SECTM1: variants seen among roughly 807,000 people sequenced by gnomAD.
SECTM1 encodes the protein secreted and transmembrane protein 1.
A neutral mutation model predicts 18.1 loss-of-function variants in SECTM1; 10 were observed. That is an observed-to-expected ratio of 0.55 (90% CI 0.34 to 0.94). SECTM1 has a LOEUF of 0.94. SECTM1 is among the 40% of genes least tolerant of loss of function. SECTM1 has a pLI of 0.02. For synonymous variants in SECTM1, 137 were observed against 139.2 expected, an observed-to-expected ratio of 0.98 and a Z score of 0.11; for missense variants, 297 against 322.6, an observed-to-expected ratio of 0.92 and a Z score of 0.61.
Position 82,321,937 on chromosome 17 carries a change from G to A in SECTM1, c.*224C>T. ...GCGTCCTGGTAAGTCGGGTGCTGCGGAGGTGAGGTGGTTCCATTTTGGAAA... is the reference window on the plus strand; with the variant it reads ...GCGTCCTGGTAAGTCGGGTGCTGCGAAGGTGAGGTGGTTCCATTTTGGAAA... On this transcript the variant is annotated 3_prime_UTR_variant, in exon 5 of 5. Transcript: ENST00000269389. 1 of 566,078 alleles carries A rather than the reference G, an allele frequency of 1.8e-6. No homozygotes were observed. Among genetic ancestry groups the A allele is most frequent in the Non-Finnish European group, 3.1e-6 (1 of 317,484 alleles). The allele number at this position is 566,078 out of a possible 1,614,324, so 35.1% of individuals were successfully genotyped here. A position where few individuals can be genotyped will look rare whatever the true frequency, so the allele number is the denominator to read the frequency against.
At chr17:82,324,547 TC>T in intron 3 of SECTM1, 34 bp downstream of exon 3, 1 of 273,704 alleles carries the variant, frequency 3.7e-6, no homozygotes. Context: ...CCCCTCTCAC[TC>T]CCCTCCCCCT....
At chr17:82,327,112 T>C in intron 2 of SECTM1, 35 bp downstream of exon 2, 1 of 1,545,578 alleles carries the variant, frequency 6.5e-7, no homozygotes, top group Non-Finnish European at 8.9e-7. Flanking sequence ...CGGGCCCCCC[T>C]TTCCCCAGCA....
At chr17:82,327,399 C>G (rs1331805090) in intron 1 of SECTM1, 107 bp from the exon 2 acceptor site, 7 of 638,460 alleles carry the variant, frequency 1.1e-5, no homozygotes, top group Non-Finnish European at 2.0e-5. Context: ...TCCCCGAGCT[C>G]TTCCCCGACC....
intron 1 of SECTM1, among the ~76,000 whole-genome samples, chr17:82,333,041 G>A (rs565153638): frequency 6.6e-6 from 1 of 151,750 alleles, no homozygotes; most frequent in Admixed American, 6.6e-5. Context: ...GCGTGAGAAC[G>A]GGCAGCTGAG....
chr17:82,323,199 C>G, intron 3 of SECTM1, 188 bp from the exon 4 acceptor site: 1 of 637,772 alleles, frequency 1.6e-6, no homozygotes, highest in Middle Eastern at 4.2e-4. Context: ...GGCGCAGGAC[C>G]AGAGGTGGAA....
At chr17:82,324,285 GTGT>G (rs1233785273) in intron 3 of SECTM1, among the ~76,000 whole-genome samples, 3 of 151,982 alleles carry the variant, frequency 2.0e-5, no homozygotes, top group Non-Finnish European at 4.4e-5. Context: ...TTTGTGTTCT[GTGT>G]TGTTTGTGGG....
chr17:82,330,963 G>T lies in SECTM1; in HGVS notation c.-53+2737C>A, dbSNP rs1025814801. Among the ~76,000 whole-genome samples, 1 of 152,174 alleles carries T rather than the reference G, an allele frequency of 6.6e-6. No homozygotes were observed. Among genetic ancestry groups the T allele is most frequent in the African/African-American group, 2.4e-5 (1 of 41,434 alleles). ...CTTTAGCCCAACTGTGGTGGCGGCCGCTGCTTCTCACACGCGGGTCCTCTC... is the reference window on the plus strand; with the variant it reads ...CTTTAGCCCAACTGTGGTGGCGGCCTCTGCTTCTCACACGCGGGTCCTCTC... On this transcript the variant is annotated intron_variant, in intron 1 of 4. Coordinates refer to ENST00000269389, the MANE Select transcript of SECTM1 (RefSeq NM_003004.3). The surrounding 1 kb of genome is among the most constrained non-coding windows in gnomAD (Gnocchi z 6.1).
intron 3 of SECTM1, among the ~76,000 whole-genome samples, chr17:82,324,103 G>C (rs536768775): frequency 6.0e-4 from 92 of 152,164 alleles, no homozygotes; most frequent in Non-Finnish European, 1.2e-3. Context: ...CAGGTGCCTC[G>C]AAGCCAGGTG....
At chr17:82,327,002 A>G (rs1051674634) in intron 2 of SECTM1, 145 bp downstream of exon 2, 12 of 615,516 alleles carry the variant, frequency 1.9e-5, no homozygotes, top group Non-Finnish European at 2.8e-5. Flanking sequence ...CCAGCTCCAC[A>G]TGGTCAGGCC....
Position 82,330,270 on chromosome 17 carries a change from C to G in SECTM1, c.-52-2978G>C, listed in dbSNP as rs1265519793. On this transcript the variant is annotated intron_variant, in intron 1 of 4. Transcript: ENST00000269389. The surrounding 1 kb of genome is among the most constrained non-coding windows in gnomAD (Gnocchi z 6.1). ...GGGAGGGGATGCCCTGCTGCTCTCCCCAGGCTGCTCTGGGGAGTCCTGCCC... is the reference window on the plus strand; with the variant it reads ...GGGAGGGGATGCCCTGCTGCTCTCCGCAGGCTGCTCTGGGGAGTCCTGCCC... 6.6e-6 allele frequency among the ~76,000 whole-genome samples: 1 copy of G among 152,198 alleles called. No individual in the cohort carries two copies. Among genetic ancestry groups the G allele is most frequent in the African/African-American group, 2.4e-5 (1 of 41,442 alleles).
Position 82,329,488 on chromosome 17 carries a change from C to T in SECTM1, c.-52-2196G>A, listed in dbSNP as rs190065909. On this transcript the variant is annotated intron_variant, in intron 1 of 4. Coordinates refer to ENST00000269389, the MANE Select transcript of SECTM1 (RefSeq NM_003004.3). The surrounding 1 kb of genome is among the most constrained non-coding windows in gnomAD (Gnocchi z 7.6). ...CCTTCTGTTGGAAACCCCACCCCAC[C>T]CTGTCAGGGCTGAGTGCAAGGGGAG... The T allele has an allele frequency of 4.5e-3, 685 of 152,570 alleles. 2 individuals are homozygous for T. The highest frequency in any genetic ancestry group is 7.6e-3 in the Non-Finnish European group (522 of 68,238). 9.5% of individuals were successfully genotyped at this position (152,570 alleles called of 1,614,324 possible).
chr17:82,321,546 G>C lies in SECTM1; in HGVS notation c.*615C>G, dbSNP rs750904339. On this transcript the variant is annotated 3_prime_UTR_variant, in exon 5 of 5. Coordinates refer to ENST00000269389, the MANE Select transcript of SECTM1 (RefSeq NM_003004.3). ...ACTGAGGGATGCGCGTCCAGCCCCG[G>C]AGGGCGGCGTCCACCTGACCCCCCA... is the stretch of plus-strand genomic sequence containing the variant. 2.0e-5 allele frequency: 3 copies of C among 153,276 alleles called. No individual in the cohort carries two copies. The highest frequency in any genetic ancestry group is 7.2e-5 in the African/African-American group (3 of 41,440). The allele number at this position is 153,276 out of a possible 1,614,324, so 9.5% of individuals were successfully genotyped here.
At chr17:82,332,510 G>A (rs954968965) in intron 1 of SECTM1, among the ~76,000 whole-genome samples, 4 of 152,178 alleles carry the variant, frequency 2.6e-5, no homozygotes, top group Admixed American at 2.6e-4. Flanking sequence ...CACCTGAGGG[G>A]TGGCTGACAC....
chr17:82,323,818 C>T (rs564647119), intron 3 of SECTM1, among the ~76,000 whole-genome samples: 16 of 131,398 alleles, frequency 1.2e-4, no homozygotes, highest in African/African-American at 2.6e-4. Context: ...ATGCCTGTGT[C>T]GGGGGAGCTG....
chr17:82,333,680 C>T lies in SECTM1; in HGVS notation c.-53+20G>A, dbSNP rs553330274. ...AGCCCGCCCCTCTGGTTCCCCCGCC[C>T]GCCCCTCTCCGCGCCTCACCGGGTC... On this transcript the variant is annotated intron_variant, in intron 1 of 4. Coordinates refer to ENST00000269389, the MANE Select transcript of SECTM1 (RefSeq NM_003004.3). The T allele has an allele frequency of 1.6e-3, 253 of 155,638 alleles. No homozygotes were observed. Among genetic ancestry groups the T allele is most frequent in the Non-Finnish European group, 2.9e-3 (205 of 69,960 alleles). The allele number at this position is 155,638 out of a possible 1,614,324, so 9.6% of individuals were successfully genotyped here. A position where few individuals can be genotyped will look rare whatever the true frequency, so the allele number is the denominator to read the frequency against.
intron 3 of SECTM1, chr17:82,323,254 T>C (rs1441392987): frequency 1.9e-6 from 1 of 518,874 alleles, no homozygotes; most frequent in East Asian, 3.4e-5. Context: ...GGGAAACATC[T>C]ACCCCTGGAT....
At chr17:82,322,717 GC>G (rs1307809951) in intron 4 of SECTM1, among the ~76,000 whole-genome samples, 160 bp downstream of exon 4, 3 of 152,150 alleles carry the variant, frequency 2.0e-5, no homozygotes, top group African/African-American at 7.2e-5. Flanking sequence ...CTTGACCATA[GC>G]CGGCTGGGCC....
At position 82,322,090 on chromosome 17, in the gene SECTM1, G is replaced by C. The variant is rs887869167; in HGVS notation, c.*71C>G. 8.4e-5 allele frequency: 126 copies of C among 1,500,296 alleles called. 1 individual carries two copies. The highest frequency in any genetic ancestry group is 4.4e-4 in the Middle Eastern group (2 of 4,524). 92.9% of individuals were successfully genotyped at this position (1,500,296 alleles called of 1,614,324 possible). On this transcript the variant is annotated 3_prime_UTR_variant, in exon 5 of 5. Coordinates refer to ENST00000269389, the MANE Select transcript of SECTM1 (RefSeq NM_003004.3). ...TCTGTGCCCTCCGGGTGGGACGAGA[G>C]ACCCAGGCCCCGCCACCCAAGGTCG...
At position 82,322,149 on chromosome 17, in the gene SECTM1, C is replaced by T. The variant is rs73999860; in HGVS notation, c.*12G>A. The T allele has an allele frequency of 0.043, 68,591 of 1,613,190 alleles. 1,783 individuals are homozygous for T. The highest frequency in any genetic ancestry group is 0.11 in the African/African-American group (8,000 of 74,990). On this transcript the variant is annotated 3_prime_UTR_variant, in exon 5 of 5. Transcript: ENST00000269389. ...GGCTGGCTCTCCTGTGTCCTCTCTG[C>T]CTTGCAGGCGGCTATGGGTCTGCGG...
Sources: allele counts gnomAD v4.1 joint callset (sites outside exome capture counted in the v4.1 genomes callset), GRCh38; gene constraint gnomAD v4.1.1; non-coding constraint Gnocchi (gnomAD v3.1); transcripts MANE v1.5; gene names NCBI Gene and HGNC (gene_info 2026-07-23, HGNC 2026-07-21).